The following TAF4B variants were observed in gnomAD, a reference collection of about 807,000 sequenced individuals.
The protein encoded by TAF4B is transcription initiation factor TFIID subunit 4B.
A neutral mutation model predicts 86.4 loss-of-function variants in TAF4B; 38 were observed. The observed-to-expected ratio is 0.44, with a 90% CI of 0.34 to 0.58. The LOEUF (loss-of-function observed/expected upper bound fraction) is 0.58. Among genes scored for constraint, TAF4B ranks in the 20% least tolerant of loss-of-function variants. TAF4B has a pLI of 0.02. For synonymous variants in TAF4B, 388 were observed against 391.2 expected (o/e 0.99, Z 0.10); for missense variants, 988 against 1,027.6 (o/e 0.96, Z 0.53).
At chr18:26,327,874 C>T (rs2057017539) in intron 12 of TAF4B, among the ~76,000 whole-genome samples, 1 of 152,238 alleles carries the variant, frequency 6.6e-6, no homozygotes, top group Non-Finnish European at 1.5e-5. Context: ...GCGTGAGCCA[C>T]CCGCCTGGCC....
At chr18:26,345,943 A>G (rs61409889) in intron 13 of TAF4B, among the ~76,000 whole-genome samples, 4,167 of 152,312 alleles carry the variant, frequency 0.027, 175 homozygotes, top group African/African-American at 0.095. Flanking sequence ...ACAATTCACA[A>G]TTTGAATAGA....
At chr18:26,295,372 T>A (rs1382260) in intron 9 of TAF4B, 171,252 of 181,388 alleles carry the variant, frequency 0.94, 81,077 homozygotes, top group East Asian at 0.99. Flanking sequence ...GACTGATTTC[T>A]TGGAAGGCAA....
At chr18:26,333,916 G>T (rs1460803973) in intron 12 of TAF4B, among the ~76,000 whole-genome samples, 3 of 151,994 alleles carry the variant, frequency 2.0e-5, no homozygotes, top group African/African-American at 7.3e-5. Context: ...TCTGTACTAT[G>T]GATGACCAAT....
At position 26,308,879 on chromosome 18, in the gene TAF4B, CAAAAA is replaced by C. The variant is rs71169847; in HGVS notation, c.1833-6334_1833-6330del. Among the ~76,000 whole-genome samples, 8 of 80,350 alleles carry C rather than the reference CAAAAA, an allele frequency of 1.0e-4. No individual in the cohort carries two copies. In the East Asian group the frequency reaches 2.8e-3, roughly 28 times the overall value. 52.7% of individuals were successfully genotyped at this position (80,350 alleles called of 152,430 possible). On this transcript the variant is annotated intron_variant, in intron 9 of 14. Transcript: ENST00000269142. Reference sequence around the variant, plus strand: ...TGGGCAACAGAGTGAGACTCTGTCTCAAAAAAAAAAAAAAAAAAAAGAAATTGATA... The same window carrying C: ...TGGGCAACAGAGTGAGACTCTGTCTCAAAAAAAAAAAAAAAGAAATTGATA...
At chr18:26,264,222 T>C (rs939163322) in intron 1 of TAF4B, among the ~76,000 whole-genome samples, 1 of 152,332 alleles carries the variant, frequency 6.6e-6, no homozygotes, top group African/African-American at 2.4e-5. Flanking sequence ...GAGGATCACC[T>C]GGGATCAGGG....
intron 3 of TAF4B, among the ~76,000 whole-genome samples, chr18:26,268,475 CTT>C (rs943221117): frequency 1.3e-5 from 2 of 152,150 alleles, no homozygotes; most frequent in African/African-American, 4.8e-5. Flanking sequence ...CTATACTGGT[CTT>C]TGTTAACTTA....
chr18:26,362,240 T>C lies in TAF4B; in HGVS notation c.2421+4446T>C, dbSNP rs78277060. On this transcript the variant is annotated intron_variant, in intron 14 of 14. Coordinates refer to ENST00000269142, the MANE Select transcript of TAF4B (RefSeq NM_005640.3). ...ATTATCCCCACCTGTAAAATGGGCA[T>C]ATTGCCTGTCTTATGTTTTAAGGAT... 9.9e-3 allele frequency among the ~76,000 whole-genome samples: 1,503 copies of C among 152,296 alleles called. 12 individuals are homozygous for C. The highest frequency in any genetic ancestry group is 0.034 in the African/African-American group (1,399 of 41,556).
intron 1 of TAF4B, among the ~76,000 whole-genome samples, chr18:26,228,471 G>A (rs1221579018): frequency 6.6e-6 from 1 of 152,098 alleles, no homozygotes; most frequent in East Asian, 1.9e-4. Flanking sequence ...GTGCAGCACC[G>A]AATACATTAT....
In TAF4B at chr18:26,345,147, C is replaced by G. The variant is rs569919855; in HGVS notation, c.2316+9916C>G. On this transcript the variant is annotated intron_variant, in intron 13 of 14. Transcript: ENST00000269142. ...TACACAGCCCTCCAGTGTCCTACCC[C>G]CTACAGATAAGCTCCTGGTCTACCC... is the stretch of plus-strand genomic sequence containing the variant. 1.3e-3 allele frequency among the ~76,000 whole-genome samples: 194 copies of G among 152,272 alleles called. 3 individuals carry two copies. In the South Asian group the frequency reaches 0.038, roughly 30 times the overall value.
At chr18:26,268,534 T>C (rs904475749) in intron 3 of TAF4B, among the ~76,000 whole-genome samples, 2 of 152,224 alleles carry the variant, frequency 1.3e-5, no homozygotes, top group African/African-American at 4.8e-5. Flanking sequence ...GTGGTCTTAA[T>C]AACCATGTTC....
intron 12 of TAF4B, among the ~76,000 whole-genome samples, chr18:26,333,825 A>G (rs2057070134): frequency 6.6e-6 from 1 of 152,044 alleles, no homozygotes; most frequent in Non-Finnish European, 1.5e-5. Context: ...TTAAAATGTA[A>G]GTTACTTGAG....
chr18:26,354,035 A>T lies in TAF4B; in HGVS notation c.2317-3655A>T, dbSNP rs181718023. Among the ~76,000 whole-genome samples, 1,212 of 152,252 alleles carry T rather than the reference A, an allele frequency of 8.0e-3. 8 individuals carry two copies. The highest frequency in any genetic ancestry group is 0.013 in the Non-Finnish European group (865 of 68,020). ...GAGGTTTGGATCCAGATTGATTTTTAAAAAATTTTTGCACGTGGATGTTCA... is the reference window on the plus strand; with the variant it reads ...GAGGTTTGGATCCAGATTGATTTTTTAAAAATTTTTGCACGTGGATGTTCA... On this transcript the variant is annotated intron_variant, in intron 13 of 14. Transcript: ENST00000269142.
At chr18:26,259,020 T>G (rs1016093408) in intron 1 of TAF4B, among the ~76,000 whole-genome samples, 8 of 152,048 alleles carry the variant, frequency 5.3e-5, no homozygotes, top group African/African-American at 2.4e-5. Flanking sequence ...GTCTTTGCCT[T>G]CCTTTTTTCT....
At chr18:26,326,928 C>T in intron 11 of TAF4B, 87 bp from the exon 12 acceptor site, 1 of 1,385,366 alleles carries the variant, frequency 7.2e-7, no homozygotes, top group Non-Finnish European at 9.5e-7. Context: ...GTTGGTATTC[C>T]TGCCTTTAGC....
intron 12 of TAF4B, among the ~76,000 whole-genome samples, chr18:26,331,131 A>G (rs574379081): frequency 7.0e-4 from 107 of 152,298 alleles, no homozygotes; most frequent in South Asian, 2.9e-3. Flanking sequence ...CTGCACTGGG[A>G]AGAGCAGGAA....
intron 11 of TAF4B, 34 bp from the exon 12 acceptor site, chr18:26,326,981 A>G (rs778858567): frequency 3.0e-5 from 48 of 1,600,252 alleles, no homozygotes; most frequent in Non-Finnish European, 3.7e-5. Context: ...GCCCAGGATC[A>G]TTATAAGACT....
At chr18:26,326,080 A>C (rs965038531) in intron 11 of TAF4B, among the ~76,000 whole-genome samples, 1 of 152,152 alleles carries the variant, frequency 6.6e-6, no homozygotes, top group Non-Finnish European at 1.5e-5. Context: ...TTTTTCTACT[A>C]TACAGTTTCT....
intron 3 of TAF4B, 131 bp downstream of exon 3, chr18:26,267,754 C>G: frequency 1.6e-6 from 1 of 623,712 alleles, no homozygotes; most frequent in African/African-American, 1.8e-5. Flanking sequence ...TATGATGGCA[C>G]TTATCAAACT....
intron 9 of TAF4B, chr18:26,304,948 T>C (rs545379783): frequency 4.8e-6 from 4 of 837,564 alleles, no homozygotes; most frequent in East Asian, 1.2e-4. Context: ...TCCAGACTTA[T>C]GTACATATGC....
Sources: allele counts gnomAD v4.1 joint callset (sites outside exome capture counted in the v4.1 genomes callset), GRCh38; gene constraint gnomAD v4.1.1; transcripts MANE v1.5; gene names NCBI Gene and HGNC (gene_info 2026-07-23, HGNC 2026-07-21).